The following PRKAG1 variants were observed in gnomAD, a reference collection of about 807,000 sequenced individuals.
The protein encoded by PRKAG1 is protein kinase AMP-activated non-catalytic subunit gamma 1.
PRKAG1 carries 27 observed loss-of-function variants against 48.2 expected under a neutral mutation model. The ratio of observed to expected loss-of-function variants is 0.56; its 90% CI spans 0.41 to 0.77. PRKAG1 has a LOEUF of 0.77. PRKAG1 is among the 30% of genes least tolerant of loss of function. PRKAG1 has a pLI of 0.00. For synonymous variants in PRKAG1, 130 were observed against 147.7 expected (o/e 0.88, Z 0.87); for missense variants, 287 against 398.3 (o/e 0.72, Z 2.38).
Position 49,004,990 on chromosome 12 carries a change from C to T in PRKAG1, c.384G>A (p.Pro128=), listed in dbSNP as rs200112961. Residue 128 remains proline, a synonymous_variant, in exon 7 of 12, where the codon CCG becomes CCA. Transcript: ENST00000548065. ...REVYLQDSFK[P]LVCISPNASL... ...TGGCATTAGGAGAAATGCAGACAAG[C>T]GGTTTAAAGGAGTCCTGGAGATACA... is the stretch of plus-strand genomic sequence containing the variant. 35 of 1,613,834 alleles carry T rather than the reference C, an allele frequency of 2.2e-5. No homozygotes were observed. Among genetic ancestry groups the T allele is most frequent in the Non-Finnish European group, 2.8e-5 (33 of 1,179,970 alleles).
intron 7 of PRKAG1, 29 bp from the exon 8 acceptor site, chr12:49,004,662 C>T: frequency 6.2e-7 from 1 of 1,613,596 alleles, no homozygotes; most frequent in Non-Finnish European, 8.5e-7. Context: ...TAATAAGTTC[C>T]ACAGTGCTGG....
At position 49,006,976 on chromosome 12, in the gene PRKAG1, AT is replaced by A. The variant is rs1592275206; in HGVS notation, c.59-1125del. Reference sequence around the variant, plus strand: ...AAGAGTGAAACTCCGTGTCAAAAAAATAAATAAATAAATAAATAAATTACAT... The same window carrying A: ...AAGAGTGAAACTCCGTGTCAAAAAAAAAATAAATAAATAAATAAATTACAT... On this transcript the variant is annotated intron_variant, in intron 2 of 11. Coordinates refer to ENST00000548065, the MANE Select transcript of PRKAG1 (RefSeq NM_002733.5). Among the ~76,000 whole-genome samples the A allele has an allele frequency of 2.0e-5, 3 of 149,064 alleles. No homozygotes were observed. The Middle Eastern group carries it at 0.011, about 565-fold the overall frequency.
intron 2 of PRKAG1, among the ~76,000 whole-genome samples, chr12:49,008,167 A>T (rs1340518860): frequency 1.3e-5 from 2 of 152,040 alleles, no homozygotes; most frequent in African/African-American, 4.8e-5. Flanking sequence ...CCAGTATTTA[A>T]ATCATTTTGA....
intron 1 of PRKAG1, among the ~76,000 whole-genome samples, chr12:49,016,362 A>G (rs774523359): frequency 6.6e-6 from 1 of 152,228 alleles, no homozygotes; most frequent in Non-Finnish European, 1.5e-5. Flanking sequence ...CAAACTTCTG[A>G]TCTACATTTC....
chr12:49,004,859 G>C (rs1941465521), intron 7 of PRKAG1, 105 bp downstream of exon 7: 2 of 1,047,284 alleles, frequency 1.9e-6, no homozygotes, highest in Non-Finnish European at 2.9e-6. Context: ...GTGTGTGTGT[G>C]TGTCTTTTCT....
In PRKAG1 at chr12:49,002,818, G is replaced by A; in HGVS notation, c.*81C>T. The A allele has an allele frequency of 7.5e-7, 1 of 1,336,712 alleles. No homozygotes were observed. Among genetic ancestry groups the A allele is most frequent in the Non-Finnish European group, 1.1e-6 (1 of 947,162 alleles). 82.8% of individuals were successfully genotyped at this position (1,336,712 alleles called of 1,614,324 possible). A position where few individuals can be genotyped will look rare whatever the true frequency, so the allele number is the denominator to read the frequency against. ...GGGAACAGAGTCACAATTCCCTCAA[G>A]TTTCATCTGATTCCCACAGAGCTTC... On this transcript the variant is annotated 3_prime_UTR_variant, in exon 12 of 12. Coordinates refer to ENST00000548065, the MANE Select transcript of PRKAG1 (RefSeq NM_002733.5).
intron 2 of PRKAG1, among the ~76,000 whole-genome samples, chr12:49,009,953 G>A (rs192505969): frequency 6.6e-6 from 1 of 152,186 alleles, no homozygotes; most frequent in Non-Finnish European, 1.5e-5. Flanking sequence ...CAGGTATTGA[G>A]AAATATGTTC....
chr12:49,004,498 A>G lies in PRKAG1; in HGVS notation c.537+9T>C. 1 of 1,613,624 alleles carries G rather than the reference A, an allele frequency of 6.2e-7. No homozygotes were observed. On this transcript the variant is annotated intron_variant, in intron 8 of 11. Transcript: ENST00000548065. ...AAGAGAAAAAAGAACTGGGCTGAGG[A>G]GCACTTACAAACAATTTGAGGAACT...
At position 49,005,217 on chromosome 12, in the gene PRKAG1, C is replaced by A; in HGVS notation, c.310-52G>T. On this transcript the variant is annotated intron_variant, in intron 5 of 11. Coordinates refer to ENST00000548065, the MANE Select transcript of PRKAG1 (RefSeq NM_002733.5). The surrounding 1 kb of genome is among the most constrained non-coding windows in gnomAD (Gnocchi z 4.1). ...GACCTGATCTCTCTGCTTCCTTAAG[C>A]CCTCGTGGCTTGCTTGGAGAAAAAG... 1 of 1,613,280 alleles carries A rather than the reference C, an allele frequency of 6.2e-7. No individual in the cohort carries two copies. Among genetic ancestry groups the A allele is most frequent in the Non-Finnish European group, 8.5e-7 (1 of 1,179,248 alleles).
At position 49,002,642 on chromosome 12, in the gene PRKAG1, G is replaced by C; in HGVS notation, c.*257C>G. ...AGAGCCTATAGTTCACCCAGAAAGG[G>C]GGATATATCTAAGAGGACAGGGGCT... On this transcript the variant is annotated 3_prime_UTR_variant, in exon 12 of 12. Coordinates refer to ENST00000548065, the MANE Select transcript of PRKAG1 (RefSeq NM_002733.5). 1.8e-6 allele frequency: 1 copy of C among 549,456 alleles called. No individual in the cohort carries two copies. Among genetic ancestry groups the C allele is most frequent in the South Asian group, 1.9e-5 (1 of 51,998 alleles). The allele number at this position is 549,456 out of a possible 1,614,324, so 34.0% of individuals were successfully genotyped here. A position where few individuals can be genotyped will look rare whatever the true frequency, so the allele number is the denominator to read the frequency against.
intron 9 of PRKAG1, 51 bp from the exon 10 acceptor site, chr12:49,003,646 C>T (rs913028460): frequency 3.7e-6 from 6 of 1,612,366 alleles, no homozygotes; most frequent in Non-Finnish European, 5.1e-6. Context: ...CTAAAGCTCC[C>T]CCTACTCATA....
In PRKAG1 at chr12:49,005,653, G is replaced by A; in HGVS notation, c.168+90C>T. ...AAAACATGAGACTAACTTCACAGAAGGATAAGGATATTACCCTTAGGATGA... is the reference window on the plus strand; with the variant it reads ...AAAACATGAGACTAACTTCACAGAAAGATAAGGATATTACCCTTAGGATGA... On this transcript the variant is annotated intron_variant, in intron 3 of 11. Coordinates refer to ENST00000548065, the MANE Select transcript of PRKAG1 (RefSeq NM_002733.5). This position sits in a 1 kb window ranked among gnomAD's most constrained non-coding sequence, Gnocchi z 4.1. The A allele has an allele frequency of 1.2e-6, 2 of 1,609,774 alleles. No individual in the cohort carries two copies. Among genetic ancestry groups the A allele is most frequent in the South Asian group, 1.1e-5 (1 of 90,750 alleles).
At chr12:49,009,908 C>T (rs1217719302) in intron 2 of PRKAG1, among the ~76,000 whole-genome samples, 2 of 152,096 alleles carry the variant, frequency 1.3e-5, no homozygotes, top group Admixed American at 6.6e-5. Context: ...CCACCGTGCC[C>T]GGCTGTTGTT....
intron 1 of PRKAG1, among the ~76,000 whole-genome samples, chr12:49,015,793 G>A (rs535754049): frequency 6.6e-6 from 1 of 152,082 alleles, no homozygotes; most frequent in East Asian, 1.9e-4. Context: ...GGCCAGGCTG[G>A]TCTTAAACTC....
intron 1 of PRKAG1, 32 bp from the exon 2 acceptor site, chr12:49,013,142 C>T (rs752124239): frequency 1.3e-6 from 2 of 1,593,764 alleles, no homozygotes; most frequent in South Asian, 1.1e-5. Flanking sequence ...TTCAGCTTAA[C>T]CTGGTTCCAT....
intron 1 of PRKAG1, among the ~76,000 whole-genome samples, chr12:49,015,792 G>C (rs1941945241): frequency 6.6e-6 from 1 of 151,920 alleles, no homozygotes; most frequent in African/African-American, 2.4e-5. Flanking sequence ...TGGCCAGGCT[G>C]GTCTTAAACT....
At position 49,003,853 on chromosome 12, in the gene PRKAG1, T is replaced by G. The variant is rs1272450651; in HGVS notation, c.607A>C (p.Asn203His). The G allele has an allele frequency of 1.9e-6, 3 of 1,614,100 alleles. No individual in the cohort carries two copies. Among genetic ancestry groups the G allele is most frequent in the Non-Finnish European group, 2.5e-6 (3 of 1,179,988 alleles). The change falls in exon 9 of 12, where the codon AAT (asparagine) becomes CAT (histidine). Residue 203 changes from asparagine (N) to histidine (H), a missense_variant. Physicochemically the swap from Asn to His is moderately conservative, Grantham distance 68. Coordinates refer to ENST00000548065, the MANE Select transcript of PRKAG1 (RefSeq NM_002733.5). Reference protein sequence around the residue: ...LEELQIGTYANIAMVRTTTPV... With the variant: ...LEELQIGTYAHIAMVRTTTPV... Reference sequence around the variant, plus strand: ...GTGGTAGTGCGAACCATAGCAATATTGGCATAGGTGCCAATCTGTAGCTCT... The same window carrying G: ...GTGGTAGTGCGAACCATAGCAATATGGGCATAGGTGCCAATCTGTAGCTCT...
At chr12:49,009,865 G>A (rs1044712165) in intron 2 of PRKAG1, among the ~76,000 whole-genome samples, 11 of 151,496 alleles carry the variant, frequency 7.3e-5, no homozygotes, top group Admixed American at 3.3e-4. Context: ...TGCCTGCCTC[G>A]GCCTCCCAAA....
At chr12:49,013,008 G>T in intron 2 of PRKAG1, 54 bp downstream of exon 2, 1 of 1,507,074 alleles carries the variant, frequency 6.6e-7, no homozygotes, top group Non-Finnish European at 9.2e-7. Flanking sequence ...TGAAGACATT[G>T]TTAGGGTCAG....
Sources: allele counts gnomAD v4.1 joint callset (sites outside exome capture counted in the v4.1 genomes callset), GRCh38; gene constraint gnomAD v4.1.1; non-coding constraint Gnocchi (gnomAD v3.1); transcripts MANE v1.5; gene names NCBI Gene and HGNC (gene_info 2026-07-23, HGNC 2026-07-21).